Variants in UBE2D3 observed in about 807,000 individuals in gnomAD.
UBE2D3 encodes ubiquitin conjugating enzyme E2 D3.
A neutral mutation model predicts 22.8 loss-of-function variants in UBE2D3; 2 were observed. That is an observed-to-expected ratio of 0.09 (90% CI 0.04 to 0.28). The LOEUF (loss-of-function observed/expected upper bound fraction) is 0.28. UBE2D3 is among the 10% of genes least tolerant of loss of function. UBE2D3 has a pLI of 1.00. For synonymous variants in UBE2D3, 56 were observed against 60.4 expected (o/e 0.93, Z 0.34); for missense variants, 27 against 182.5 (o/e 0.15, Z 4.91).
At chr4:102,850,929 T>A (rs906119402) in intron 1 of UBE2D3, among the ~76,000 whole-genome samples, 1 of 145,346 alleles carries the variant, frequency 6.9e-6, no homozygotes, top group Non-Finnish European at 1.5e-5. Context: ...GGGAACTTTG[T>A]TGGGGGCGGG....
At chr4:102,827,736 T>A, upstream of UBE2D3, 6 of 985,880 alleles carry the variant, frequency 6.1e-6, no homozygotes, top group Non-Finnish European at 7.2e-6. Context: ...GAACAGCACC[T>A]TCTTACTAAA....
At chr4:102,851,121 G>A (rs1732326353) in intron 1 of UBE2D3, among the ~76,000 whole-genome samples, 1 of 152,208 alleles carries the variant, frequency 6.6e-6, no homozygotes, top group Non-Finnish European at 1.5e-5. Context: ...TAATTTGTGA[G>A]ATTGTTACAA....
chr4:102,830,601 C>T (rs1440078585), upstream of UBE2D3, among the ~76,000 whole-genome samples: 14 of 152,202 alleles, frequency 9.2e-5, no homozygotes, highest in Non-Finnish European at 1.5e-4. Flanking sequence ...TGGTGGCTTA[C>T]GCCTGTAATC....
intron 4 of UBE2D3, among the ~76,000 whole-genome samples, chr4:102,805,897 G>A (rs1292509166): frequency 6.6e-6 from 1 of 152,042 alleles, no homozygotes; most frequent in East Asian, 1.9e-4. Flanking sequence ...CATAAACCAG[G>A]ATCTCATCAT....
chr4:102,862,654 T>C (rs1732955495), intron 1 of UBE2D3, among the ~76,000 whole-genome samples: 1 of 152,234 alleles, frequency 6.6e-6, no homozygotes, highest in South Asian at 2.1e-4. Context: ...GAGTTTATTG[T>C]AGTTTCACAA....
chr4:102,831,037 G>A (rs1200145635), upstream of UBE2D3, among the ~76,000 whole-genome samples: 1 of 152,112 alleles, frequency 6.6e-6, no homozygotes, highest in Non-Finnish European at 1.5e-5. Flanking sequence ...TTATATATAT[G>A]TACTTAATAT....
At chr4:102,814,457 C>CTTTTTTTTTT (rs574701413) in intron 2 of UBE2D3, among the ~76,000 whole-genome samples, 1 of 119,140 alleles carries the variant, frequency 8.4e-6, no homozygotes, top group Non-Finnish European at 1.7e-5. Context: ...CCTGGCTATT[C>CTTTTTTTTTT]TTTTTTTTTT....
chr4:102,804,868 G>A (rs1726785326), intron 4 of UBE2D3, among the ~76,000 whole-genome samples: 1 of 152,072 alleles, frequency 6.6e-6, no homozygotes, highest in African/African-American at 2.4e-5. Flanking sequence ...AGTAGAGACG[G>A]AGTTTTTGTT....
At chr4:102,864,528 T>C (rs1028224160) in intron 1 of UBE2D3, among the ~76,000 whole-genome samples, 1 of 152,206 alleles carries the variant, frequency 6.6e-6, no homozygotes, top group Non-Finnish European at 1.5e-5. Context: ...CATTCATTGA[T>C]GGTAAAGACG....
At chr4:102,811,112 G>A (rs557146057) in intron 2 of UBE2D3, 2 of 152,342 alleles carry the variant, frequency 1.3e-5, no homozygotes, top group Non-Finnish European at 2.9e-5. Context: ...CACCCTGGGA[G>A]GCAAAGACAG....
In UBE2D3 at chr4:102,844,145, C is replaced by T. The variant is rs995910015; in HGVS notation, c.-128-17509G>A. The T allele has an allele frequency of 3.4e-4, 52 of 152,194 alleles. 1 individual carries two copies. Among genetic ancestry groups the T allele is most frequent in the Non-Finnish European group, 1.0e-4 (7 of 68,042 alleles). 9.4% of individuals were successfully genotyped at this position (152,194 alleles called of 1,614,324 possible). A position where few individuals can be genotyped will look rare whatever the true frequency, so the allele number is the denominator to read the frequency against. The stretch of plus-strand genomic sequence containing the variant: ...TTTTATATTGTCATTCTCTATGATG[C>T]ATCTGGTGGCCACAGGAAATTTAAA... On this transcript the variant is annotated intron_variant, in intron 1 of 7. Transcript: ENST00000338145.
intron 1 of UBE2D3, among the ~76,000 whole-genome samples, chr4:102,846,332 C>T (rs995351244): frequency 6.6e-6 from 1 of 152,062 alleles, no homozygotes; most frequent in Non-Finnish European, 1.5e-5. Context: ...TACAATATGC[C>T]CAGGAATTTC....
chr4:102,818,752 A>AT (rs68101761), intron 2 of UBE2D3, among the ~76,000 whole-genome samples: 21,309 of 148,458 alleles, frequency 0.14, 1,565 homozygotes, highest in African/African-American at 0.16. Context: ...TTTGGTCACT[A>AT]TTTTTTTTTT....
chr4:102,838,916 T>C (rs565466511), intron 1 of UBE2D3, among the ~76,000 whole-genome samples: 2 of 152,202 alleles, frequency 1.3e-5, no homozygotes, highest in Non-Finnish European at 2.9e-5. Context: ...GGAGAGTTTC[T>C]TCTGACCCCC....
At chr4:102,848,163 A>T (rs1422059264) in intron 1 of UBE2D3, among the ~76,000 whole-genome samples, 2 of 152,140 alleles carry the variant, frequency 1.3e-5, no homozygotes, top group Non-Finnish European at 2.9e-5. Flanking sequence ...TATCATGGTG[A>T]TACACTCCTC....
intron 1 of UBE2D3, among the ~76,000 whole-genome samples, chr4:102,847,499 C>T (rs995068323): frequency 2.0e-5 from 3 of 151,682 alleles, no homozygotes; most frequent in African/African-American, 7.3e-5. Context: ...GTTAGTCAGG[C>T]TGGTCTTGAA....
rs748760260 is a variant in UBE2D3, at chr4:102,795,754, G to C, written c.*1661C>G. 3 of 152,070 alleles carry C rather than the reference G, an allele frequency of 2.0e-5. No individual in the cohort carries two copies. Among genetic ancestry groups the C allele is most frequent in the Non-Finnish European group, 2.9e-5 (2 of 67,960 alleles). The allele number at this position is 152,070 out of a possible 1,614,324, so 9.4% of individuals were successfully genotyped here. ...GCTTTCCACATGTGTGTGCAGACAA[G>C]GAATAAGATTGCACGTAAGTGTAAG... On this transcript the variant is annotated 3_prime_UTR_variant, in exon 8 of 8. Transcript: ENST00000453744.
rs1324533209 is a variant in UBE2D3, at chr4:102,795,715, A to C, written c.*1700T>G. On this transcript the variant is annotated 3_prime_UTR_variant, in exon 8 of 8. Transcript: ENST00000453744. Reference sequence around the variant, plus strand: ...AAAATGTTTATAAAAAGTAAGTTTTAACATTTATTTCTAGCTTTCCACATG... The same window carrying C: ...AAAATGTTTATAAAAAGTAAGTTTTCACATTTATTTCTAGCTTTCCACATG... The C allele has an allele frequency of 2.6e-5, 4 of 152,136 alleles. No individual in the cohort carries two copies. Among genetic ancestry groups the C allele is most frequent in the Non-Finnish European group, 5.9e-5 (4 of 67,966 alleles). 9.4% of individuals were successfully genotyped at this position (152,136 alleles called of 1,614,324 possible).
intron 1 of UBE2D3, among the ~76,000 whole-genome samples, chr4:102,853,135 A>ACCTTTTTTTTT (rs752835398): frequency 2.3e-5 from 2 of 88,598 alleles, no homozygotes; most frequent in African/African-American, 4.7e-5. Flanking sequence ...AAACACACAC[A>ACCTTTTTTTTT]TTTTTTTTTT....
Sources: gnomAD v4.1 joint callset for allele counts (sites outside exome capture counted in the v4.1 genomes callset) on GRCh38, gnomAD v4.1.1 for gene constraint, MANE v1.5 for transcripts, NCBI Gene and HGNC (gene_info 2026-07-23, HGNC 2026-07-21) for gene names.